Variants in ANKRD30B observed in about 807,000 individuals in gnomAD.
ANKRD30B encodes the protein ankyrin repeat domain-containing protein 30B.
Under a neutral mutation model 202.2 loss-of-function variants are expected in ANKRD30B, and 144 were observed. The ratio of observed to expected loss-of-function variants is 0.71; its 90% CI spans 0.62 to 0.82. The LOEUF (loss-of-function observed/expected upper bound fraction) is 0.82, where lower values mean the gene tolerates loss of function less well. Ranked by LOEUF, ANKRD30B falls within the 40% of genes least tolerant of loss-of-function variation. ANKRD30B has a pLI of 0.00. For missense variants in ANKRD30B, 1,487 were observed against 1,669.1 expected, an observed-to-expected ratio of 0.89 and a Z score of 1.90; for synonymous variants, 508 against 561.3, an observed-to-expected ratio of 0.91 and a Z score of 1.34.
At chr18:14,792,751 T>C (rs1968612978) in intron 16 of ANKRD30B, among the ~76,000 whole-genome samples, 1 of 151,302 alleles carries the variant, frequency 6.6e-6, no homozygotes, top group African/African-American at 2.4e-5. Flanking sequence ...TATATATATG[T>C]ATATATTTTG....
At chr18:14,810,807 TG>T (rs1969873446) in intron 28 of ANKRD30B, among the ~76,000 whole-genome samples, 1 of 151,190 alleles carries the variant, frequency 6.6e-6, no homozygotes, top group Non-Finnish European at 1.5e-5. Flanking sequence ...GTCATTCCCA[TG>T]CATGTTTAAA....
chr18:14,750,300 A>G (rs1036635320), intron 1 of ANKRD30B, among the ~76,000 whole-genome samples: 6 of 152,178 alleles, frequency 3.9e-5, no homozygotes, highest in African/African-American at 1.4e-4. Flanking sequence ...TGCAGATCTA[A>G]AAAAGTACTT....
At chr18:14,898,550 C>T in the ANKRD30B span, among the ~76,000 whole-genome samples, 1 of 152,176 alleles carries the variant, frequency 6.6e-6, no homozygotes, top group African/African-American at 2.4e-5. Context: ...GTTGGGGACT[C>T]CTGCCGCAAA....
chr18:14,906,723 G>T, the ANKRD30B span, among the ~76,000 whole-genome samples: 1 of 152,102 alleles, frequency 6.6e-6, no homozygotes, highest in South Asian at 2.1e-4. Context: ...TATTTGAAGA[G>T]ATTCATTCTG....
the ANKRD30B span, among the ~76,000 whole-genome samples, chr18:14,860,330 C>A: frequency 7.6e-6 from 1 of 131,314 alleles, no homozygotes; most frequent in African/African-American, 2.9e-5. Flanking sequence ...GGCAGTGGCG[C>A]TCCTCACTTC....
At chr18:14,860,388 T>TGGC in the ANKRD30B span, among the ~76,000 whole-genome samples, 1 of 9,038 alleles carries the variant, frequency 1.1e-4, no homozygotes, top group Non-Finnish European at 2.4e-4. Context: ...CCAGAGGGGG[T>TGGC]GGCCGGGCAG....
At chr18:14,926,171 G>A in the ANKRD30B span, among the ~76,000 whole-genome samples, 2,038 of 152,280 alleles carry the variant, frequency 0.013, 47 homozygotes, top group African/African-American at 0.046. Flanking sequence ...TCCTGAAGGT[G>A]TAATTACCTA....
At chr18:14,873,464 G>T in the ANKRD30B span, among the ~76,000 whole-genome samples, 1 of 148,834 alleles carries the variant, frequency 6.7e-6, no homozygotes, top group African/African-American at 2.5e-5. Flanking sequence ...GGCAGAGGTT[G>T]CAGTGAGCCG....
chr18:14,847,215 GT>G (rs1017385865), intron 39 of ANKRD30B, among the ~76,000 whole-genome samples: 1 of 151,126 alleles, frequency 6.6e-6, no homozygotes, highest in Non-Finnish European at 1.5e-5. Context: ...CTTAGTGGTT[GT>G]TTTAGGATTT....
At chr18:14,908,116 G>A in the ANKRD30B span, among the ~76,000 whole-genome samples, 2 of 152,194 alleles carry the variant, frequency 1.3e-5, no homozygotes, top group Non-Finnish European at 2.9e-5. Context: ...TGGCAAGACA[G>A]GTTAATGGGA....
Position 14,844,846 on chromosome 18 carries a change from AT to A in ANKRD30B, c.3181+1757del, listed in dbSNP as rs556818231. Among the ~76,000 whole-genome samples, 5 of 151,678 alleles carry A rather than the reference AT, an allele frequency of 3.3e-5. 1 individual carries two copies. The highest frequency in any genetic ancestry group is 6.6e-5 in the Admixed American group (1 of 15,210). ...TCTCTGATGGCCAGTGATGATGAGC[AT>A]TTTTTTCACGTGTCTGTTGGCTGCA... On this transcript the variant is annotated intron_variant, in intron 39 of 43. Coordinates refer to ENST00000690538, the MANE Select transcript of ANKRD30B (RefSeq NM_001367607.2).
rs1170605853 is a variant in ANKRD30B at position 14,853,829 on chromosome 18, A to C, written c.4497A>C (p.Gln1499His). Residue 1499 changes from glutamine (Q) to histidine (H), a missense_variant, in exon 43 of 44, where the codon CAA (glutamine) becomes CAC (histidine). Around this residue, in one of 6 missense-constraint regions of ANKRD30B, gnomAD observed 182 missense variants for 216.0 expected, o/e 0.84. Transcript: ENST00000690538. ...TTCAGGTCATTGTGAGACAACTTCA[A>C]AAAAAATTGGCGGATCTTAATAAAC... Reference protein sequence around the residue: ...AEREVIVRQLQKKLADLNKQC... With the variant: ...AEREVIVRQLHKKLADLNKQC... 6.6e-6 allele frequency among the ~76,000 whole-genome samples: 1 copy of C among 152,106 alleles called. No homozygotes were observed. Among genetic ancestry groups the C allele is most frequent in the Admixed American group, 6.5e-5 (1 of 15,270 alleles).
intron 15 of ANKRD30B, among the ~76,000 whole-genome samples, chr18:14,790,870 T>C (rs915674782): frequency 6.6e-5 from 10 of 152,188 alleles, no homozygotes; most frequent in African/African-American, 2.4e-4. Flanking sequence ...GTTGTGTCTC[T>C]GCCTGGCTTT....
At chr18:14,832,105 T>C (rs1245640974) in intron 34 of ANKRD30B, among the ~76,000 whole-genome samples, 1 of 152,218 alleles carries the variant, frequency 6.6e-6, no homozygotes, top group East Asian at 1.9e-4. Flanking sequence ...GGTGCATGCC[T>C]GTAGTTCCAG....
chr18:14,913,062 C>A, the ANKRD30B span, among the ~76,000 whole-genome samples: 1 of 152,238 alleles, frequency 6.6e-6, no homozygotes, highest in Non-Finnish European at 1.5e-5. Flanking sequence ...CAGAGAAGGA[C>A]CCATTTTATC....
intron 32 of ANKRD30B, among the ~76,000 whole-genome samples, chr18:14,824,436 CT>C (rs80060818): frequency 0.13 from 20,214 of 152,156 alleles, 1,510 homozygotes; most frequent in East Asian, 0.27. Context: ...TCACTACCCC[CT>C]CTGCCTCCTG....
the ANKRD30B span, among the ~76,000 whole-genome samples, chr18:14,925,080 C>T: frequency 6.6e-6 from 1 of 152,202 alleles, no homozygotes; most frequent in African/African-American, 2.4e-5. Context: ...GATAATGAGC[C>T]CTTGTTCCCC....
chr18:14,838,788 G>C (rs543676652), intron 36 of ANKRD30B, among the ~76,000 whole-genome samples: 1 of 152,334 alleles, frequency 6.6e-6, no homozygotes, highest in South Asian at 2.1e-4. Context: ...CAGTAACTTT[G>C]TTTATAAAAA....
At chr18:14,889,318 A>G in the ANKRD30B span, among the ~76,000 whole-genome samples, 4 of 151,972 alleles carry the variant, frequency 2.6e-5, no homozygotes, top group Non-Finnish European at 5.9e-5. Flanking sequence ...ACTTTTCTTT[A>G]TTTACTTCTA....
Sources: gnomAD v4.1 joint callset for allele counts (sites outside exome capture counted in the v4.1 genomes callset) on GRCh38, gnomAD v4.1.1 for gene constraint, gnomAD v4.1.1 regional missense constraint, MANE v1.5 for transcripts, NCBI Gene and HGNC (gene_info 2026-07-23, HGNC 2026-07-21) for gene names.